The following IMMP2L variants were observed in gnomAD, a reference collection of about 807,000 sequenced individuals.
The protein encoded by IMMP2L is mitochondrial inner membrane protease subunit 2.
A neutral mutation model predicts 19.3 loss-of-function variants in IMMP2L; 18 were observed. That is an observed-to-expected ratio of 0.93 (90% CI 0.64 to 1.38). The LOEUF (loss-of-function observed/expected upper bound fraction) is 1.38, where lower values mean the gene tolerates loss of function less well. Ranked by LOEUF, IMMP2L falls within the 40% of genes most tolerant of loss-of-function variation. The pLI, the probability that IMMP2L is intolerant of heterozygous loss-of-function variation, is 0.00. For missense variants in IMMP2L, 233 were observed against 218.2 expected (o/e 1.07, Z -0.43); for synonymous variants, 76 against 73.0 (o/e 1.04, Z -0.21).
chr7:110,850,411 T>C (rs531464680), intron 5 of IMMP2L, among the ~76,000 whole-genome samples: 40 of 152,142 alleles, frequency 2.6e-4, no homozygotes, highest in Non-Finnish European at 4.1e-4. Context: ...TTTGAAATGA[T>C]GGGCCTCTCA....
intron 4 of IMMP2L, among the ~76,000 whole-genome samples, chr7:110,962,110 G>A (rs1334128929): frequency 2.0e-5 from 3 of 151,924 alleles, no homozygotes; most frequent in Admixed American, 2.0e-4. Context: ...GACCTTCACT[G>A]ATATCATGTA....
chr7:111,094,583 T>C (rs1027104484), intron 3 of IMMP2L, among the ~76,000 whole-genome samples: 10 of 152,134 alleles, frequency 6.6e-5, no homozygotes, highest in Non-Finnish European at 1.2e-4. Context: ...CATCAGTACA[T>C]CTTGTCAGTG....
intron 5 of IMMP2L, among the ~76,000 whole-genome samples, chr7:110,836,789 T>C (rs896002270): frequency 1.3e-5 from 2 of 152,154 alleles, no homozygotes; most frequent in Non-Finnish European, 1.5e-5. Context: ...TAATGAAACA[T>C]AAAGCATTAA....
At chr7:111,105,165 C>G (rs988798044) in intron 3 of IMMP2L, among the ~76,000 whole-genome samples, 1 of 151,738 alleles carries the variant, frequency 6.6e-6, no homozygotes, top group Non-Finnish European at 1.5e-5. Flanking sequence ...AACCACAAAA[C>G]CTTTGAAGTG....
intron 3 of IMMP2L, chr7:111,125,222 G>C (rs987999659): frequency 4.3e-6 from 1 of 233,962 alleles, no homozygotes; most frequent in Non-Finnish European, 9.0e-6. Flanking sequence ...AAGTAAATAA[G>C]AGTAGTTGAA....
intron 3 of IMMP2L, among the ~76,000 whole-genome samples, chr7:111,432,707 T>C (rs1234722439): frequency 1.3e-5 from 2 of 151,322 alleles, no homozygotes; most frequent in African/African-American, 4.9e-5. Flanking sequence ...TACTGGAAGT[T>C]CTCACTAGAG....
At chr7:111,501,072 T>C (rs1388206981) in intron 2 of IMMP2L, among the ~76,000 whole-genome samples, 1 of 151,834 alleles carries the variant, frequency 6.6e-6, no homozygotes, top group East Asian at 1.9e-4. Context: ...TTAAAAACTT[T>C]GAAAAAAAAT....
chr7:111,067,627 A>G (rs1369063750), intron 3 of IMMP2L, among the ~76,000 whole-genome samples: 1 of 152,210 alleles, frequency 6.6e-6, no homozygotes, highest in African/African-American at 2.4e-5. Flanking sequence ...TGGACTATTT[A>G]TTTTACTGTT....
intron 5 of IMMP2L, 25 bp from the exon 6 acceptor site, chr7:110,663,746 A>C: frequency 6.7e-7 from 1 of 1,485,646 alleles, no homozygotes; most frequent in Non-Finnish European, 9.1e-7. Context: ...AACAGAAAGA[A>C]AGCAATAAAG....
intron 3 of IMMP2L, among the ~76,000 whole-genome samples, chr7:111,443,454 C>T (rs576011626): frequency 1.3e-5 from 2 of 152,150 alleles, no homozygotes; most frequent in South Asian, 2.1e-4. Context: ...CCAAAATCAA[C>T]TTAATTTCCA....
chr7:111,204,316 T>A (rs890545494), intron 3 of IMMP2L, among the ~76,000 whole-genome samples: 4 of 152,140 alleles, frequency 2.6e-5, no homozygotes, highest in Non-Finnish European at 5.9e-5. Flanking sequence ...AATTACAATA[T>A]GAACTACAAG....
intron 3 of IMMP2L, among the ~76,000 whole-genome samples, chr7:111,198,824 C>A (rs924820360): frequency 6.6e-6 from 1 of 152,120 alleles, no homozygotes; most frequent in African/African-American, 2.4e-5. Context: ...CTTGTCATAT[C>A]TTTCTCTTTC....
intron 3 of IMMP2L, among the ~76,000 whole-genome samples, chr7:111,377,895 T>G (rs1830831691): frequency 6.6e-6 from 1 of 151,996 alleles, no homozygotes; most frequent in Non-Finnish European, 1.5e-5. Context: ...TACATAGTAT[T>G]AATGTACCAT....
chr7:111,387,975 T>TAAAA (rs750267136), intron 3 of IMMP2L, among the ~76,000 whole-genome samples: 75 of 93,400 alleles, frequency 8.0e-4, no homozygotes, highest in African/African-American at 3.3e-3. Flanking sequence ...ACTCTGTCTT[T>TAAAA]AAAAAAAAAA....
chr7:110,976,399 C>T (rs1448280605), intron 3 of IMMP2L, among the ~76,000 whole-genome samples: 1 of 151,988 alleles, frequency 6.6e-6, no homozygotes, highest in Non-Finnish European at 1.5e-5. Flanking sequence ...TCAAGACTCA[C>T]CCATGTTGTA....
intron 3 of IMMP2L, among the ~76,000 whole-genome samples, chr7:111,162,957 A>G (rs1436659289): frequency 1.3e-5 from 2 of 152,074 alleles, no homozygotes; most frequent in African/African-American, 4.8e-5. Flanking sequence ...AAAAAGCTCA[A>G]CACTGCCAGG....
chr7:111,527,446 C>A (rs1009297214), intron 1 of IMMP2L, among the ~76,000 whole-genome samples: 2 of 148,310 alleles, frequency 1.3e-5, no homozygotes, highest in Non-Finnish European at 3.0e-5. Flanking sequence ...GATTTAATAT[C>A]TAAGGTTCTT....
At chr7:111,199,840 G>C (rs544787865) in intron 3 of IMMP2L, among the ~76,000 whole-genome samples, 1 of 152,186 alleles carries the variant, frequency 6.6e-6, no homozygotes, top group South Asian at 2.1e-4. Flanking sequence ...TAGACATAAA[G>C]CATCAGTGGT....
intron 3 of IMMP2L, among the ~76,000 whole-genome samples, chr7:111,368,062 C>G (rs1829942897): frequency 1.3e-5 from 2 of 150,814 alleles, no homozygotes; most frequent in South Asian, 4.2e-4. Flanking sequence ...TTAAAATATT[C>G]TCAATCTATA....
Sources: gnomAD v4.1 joint callset for allele counts (sites outside exome capture counted in the v4.1 genomes callset) on GRCh38, gnomAD v4.1.1 for gene constraint, MANE v1.5 for transcripts, NCBI Gene and HGNC (gene_info 2026-07-23, HGNC 2026-07-21) for gene names.